Variants in AFF3 observed in about 807,000 individuals in gnomAD.
AFF3 encodes the protein AF4/FMR2 family member 3.
Under a neutral mutation model 129.7 loss-of-function variants are expected in AFF3, and 32 were observed. The ratio of observed to expected loss-of-function variants is 0.25; its 90% confidence interval spans 0.19 to 0.33. The LOEUF (loss-of-function observed/expected upper bound fraction) is 0.33, where lower values mean the gene tolerates loss of function less well. AFF3 is among the 10% of genes least tolerant of loss of function. The probability of loss-of-function intolerance (pLI) is 1.00; values close to 1 mark genes in which losing one functional copy is unlikely to be tolerated. For synonymous variants in AFF3, 644 were observed against 635.4 expected (o/e 1.01, Z -0.20); for missense variants, 1,373 against 1,592.0 (o/e 0.86, Z 2.34).
At chr2:99,644,241 G>C (rs1011750326) in intron 13 of AFF3, among the ~76,000 whole-genome samples, 1 of 152,208 alleles carries the variant, frequency 6.6e-6, no homozygotes, top group Non-Finnish European at 1.5e-5. Context: ...TGGAGTCGCA[G>C]GCTGACATTT....
At chr2:99,847,176 T>C (rs1271546258) in intron 7 of AFF3, among the ~76,000 whole-genome samples, 1 of 152,074 alleles carries the variant, frequency 6.6e-6, no homozygotes, top group Non-Finnish European at 1.5e-5. Context: ...TGAACATTTA[T>C]AGCATTTTCA....
intron 4 of AFF3, among the ~76,000 whole-genome samples, chr2:100,037,483 ATAT>A (rs1453261607): frequency 1.1e-5 from 1 of 90,346 alleles, no homozygotes; most frequent in Non-Finnish European, 2.0e-5. Flanking sequence ...TATATTTTAT[ATAT>A]TATTTATATA....
At chr2:99,563,719 A>G (rs1361534936) in intron 20 of AFF3, among the ~76,000 whole-genome samples, 2 of 146,984 alleles carry the variant, frequency 1.4e-5, no homozygotes, top group Non-Finnish European at 3.0e-5. Flanking sequence ...CTGAGGCAGG[A>G]GAATCACTTG....
Position 100,030,289 on chromosome 2 carries a change from T to C in AFF3, c.54-21357A>G, listed in dbSNP as rs1205131391. ...GTATTCTAGAAGTTTACCTCAATTTTACAATAAGATTTGTCATTAGGGAGT... is the reference window on the plus strand; with the variant it reads ...GTATTCTAGAAGTTTACCTCAATTTCACAATAAGATTTGTCATTAGGGAGT... On this transcript the variant is annotated intron_variant, in intron 4 of 24. Transcript: ENST00000672756. Among the ~76,000 whole-genome samples, 3 of 152,262 alleles carry C rather than the reference T, an allele frequency of 2.0e-5. No homozygotes were observed. In the East Asian group the frequency reaches 5.8e-4, roughly 29 times the overall value.
Position 99,891,579 on chromosome 2 carries a change from G to A in AFF3, c.874-54055C>T, listed in dbSNP as rs575849439. 3.6e-4 allele frequency among the ~76,000 whole-genome samples: 55 copies of A among 152,290 alleles called. No homozygotes were observed. The Middle Eastern group carries it at 0.01, about 28-fold the overall frequency. Reference sequence around the variant, plus strand: ...ACCCCTGCTGCAGGTGCGGGCAGGCGGGCGACTGAGCTTTCCACTTTGGTC... The same window carrying A: ...ACCCCTGCTGCAGGTGCGGGCAGGCAGGCGACTGAGCTTTCCACTTTGGTC... On this transcript the variant is annotated intron_variant, in intron 7 of 24. Coordinates refer to ENST00000672756, the MANE Select transcript of AFF3 (RefSeq NM_001386135.1).
At chr2:100,010,081 G>A (rs542192834) in intron 4 of AFF3, among the ~76,000 whole-genome samples, 12 of 152,244 alleles carry the variant, frequency 7.9e-5, no homozygotes, top group East Asian at 1.9e-4. Context: ...GTCTCTCTAC[G>A]CCTTAATGAC....
At position 99,927,564 on chromosome 2, in the gene AFF3, C is replaced by T. The variant is rs538151105; in HGVS notation, c.873+79068G>A. 1.2e-4 allele frequency among the ~76,000 whole-genome samples: 19 copies of T among 152,104 alleles called. No homozygotes were observed. In the South Asian group the frequency reaches 2.3e-3, roughly 18 times the overall value. Reference sequence around the variant, plus strand: ...GACACATAGAAGGAAACAACACACACTGGGGCCTTTCAGAGGGTAGAGGGC... The same window carrying T: ...GACACATAGAAGGAAACAACACACATTGGGGCCTTTCAGAGGGTAGAGGGC... On this transcript the variant is annotated intron_variant, in intron 7 of 24. Coordinates refer to ENST00000672756, the MANE Select transcript of AFF3 (RefSeq NM_001386135.1).
intron 7 of AFF3, among the ~76,000 whole-genome samples, chr2:99,994,051 C>T (rs1023042990): frequency 2.0e-5 from 3 of 151,726 alleles, no homozygotes; most frequent in African/African-American, 4.8e-5. Context: ...GGTGATCCAC[C>T]CGCCTCAGCC....
At chr2:99,605,189 T>A (rs1680206868) in intron 13 of AFF3, among the ~76,000 whole-genome samples, 1 of 152,274 alleles carries the variant, frequency 6.6e-6, no homozygotes, top group African/African-American at 2.4e-5. Context: ...TTTTCCTTTC[T>A]TAAATTACGA....
In AFF3 at chr2:99,838,603, G is replaced by A. The variant is rs929301229; in HGVS notation, c.874-1079C>T. Among the ~76,000 whole-genome samples, 3 of 152,210 alleles carry A rather than the reference G, an allele frequency of 2.0e-5. No individual in the cohort carries two copies. The South Asian group carries it at 6.2e-4, about 32-fold the overall frequency. The stretch of plus-strand genomic sequence containing the variant: ...ACTTCTTCAAAGCCCTCACCACGAC[G>A]GCAATTCAATAGTGAAGTCTCCAGC... On this transcript the variant is annotated intron_variant, in intron 7 of 24. Transcript: ENST00000672756.
At chr2:100,010,501 A>C (rs1264349775) in intron 4 of AFF3, among the ~76,000 whole-genome samples, 2 of 152,210 alleles carry the variant, frequency 1.3e-5, no homozygotes, top group Non-Finnish European at 2.9e-5. Flanking sequence ...GAATGTAAAG[A>C]TATCCAGAAC....
At chr2:99,834,456 T>C (rs1337920130) in intron 8 of AFF3, among the ~76,000 whole-genome samples, 1 of 152,190 alleles carries the variant, frequency 6.6e-6, no homozygotes, top group Non-Finnish European at 1.5e-5. Context: ...GTGGTTGTTA[T>C]TGTATGAGGG....
chr2:100,004,674 A>T (rs1227101903), intron 7 of AFF3, among the ~76,000 whole-genome samples: 1 of 152,138 alleles, frequency 6.6e-6, no homozygotes, highest in Non-Finnish European at 1.5e-5. Context: ...GAATACTGTC[A>T]ACAAAGATCT....
chr2:100,059,473 A>G (rs903681905), intron 4 of AFF3, among the ~76,000 whole-genome samples: 1 of 152,124 alleles, frequency 6.6e-6, no homozygotes, highest in Non-Finnish European at 1.5e-5. Flanking sequence ...GGCTGTGGAG[A>G]AACTGGAACC....
At chr2:99,928,599 G>A (rs752816724) in intron 7 of AFF3, among the ~76,000 whole-genome samples, 3 of 152,192 alleles carry the variant, frequency 2.0e-5, no homozygotes, top group Non-Finnish European at 4.4e-5. Context: ...TTCAGTAACT[G>A]TATCTGTGTA....
At chr2:99,973,164 T>G (rs982022840) in intron 7 of AFF3, among the ~76,000 whole-genome samples, 1 of 152,210 alleles carries the variant, frequency 6.6e-6, no homozygotes, top group Non-Finnish European at 1.5e-5. Flanking sequence ...CTCCACTGAG[T>G]GCTCACTGTA....
intron 8 of AFF3, among the ~76,000 whole-genome samples, chr2:99,777,687 A>G (rs1684014495): frequency 6.6e-6 from 1 of 152,088 alleles, no homozygotes; most frequent in South Asian, 2.1e-4. Flanking sequence ...CGCCTCCAAC[A>G]TCTGGCAGGC....
chr2:99,890,042 C>T (rs1043537897), intron 7 of AFF3, among the ~76,000 whole-genome samples: 4 of 152,290 alleles, frequency 2.6e-5, no homozygotes, highest in Middle Eastern at 3.4e-3. Context: ...TGTGCACAGG[C>T]GAGTTCTGAA....
At chr2:100,116,147 A>T (rs551833048) in intron 2 of AFF3, among the ~76,000 whole-genome samples, 1 of 152,238 alleles carries the variant, frequency 6.6e-6, no homozygotes, top group East Asian at 1.9e-4. Flanking sequence ...TCTCATACAG[A>T]TATAACTGCA....
Sources: gnomAD v4.1 joint callset for allele counts (sites outside exome capture counted in the v4.1 genomes callset) on GRCh38, gnomAD v4.1.1 for gene constraint, MANE v1.5 for transcripts, NCBI Gene and HGNC (gene_info 2026-07-23, HGNC 2026-07-21) for gene names.